The following GABRA2 variants were observed in gnomAD, a reference collection of about 807,000 sequenced individuals.
The protein encoded by GABRA2 is gamma-aminobutyric acid type A receptor subunit alpha2.
A neutral mutation model predicts 48.7 loss-of-function variants in GABRA2; 16 were observed. The ratio of observed to expected loss-of-function variants is 0.33; its 90% CI spans 0.22 to 0.50. The LOEUF is 0.50. GABRA2 is among the 20% of genes least tolerant of loss of function. GABRA2 has a pLI of 0.98. For missense variants in GABRA2, 275 were observed against 535.6 expected (o/e 0.51, Z 4.80); for synonymous variants, 185 against 184.5 (o/e 1.00, Z -0.02).
At chr4:46,388,294 C>T (rs1345771238) in intron 2 of GABRA2, among the ~76,000 whole-genome samples, 1 of 151,996 alleles carries the variant, frequency 6.6e-6, no homozygotes, top group Non-Finnish European at 1.5e-5. Context: ...TCTGTCAGCT[C>T]GAAGGAAAAC....
intron 4 of GABRA2, among the ~76,000 whole-genome samples, chr4:46,323,618 T>A (rs886506134): frequency 6.6e-6 from 1 of 151,898 alleles, no homozygotes; most frequent in Non-Finnish European, 1.5e-5. Context: ...GAGTGTATAC[T>A]TAGGAAATCT....
intron 8 of GABRA2, among the ~76,000 whole-genome samples, chr4:46,291,615 T>C (rs1227160214): frequency 6.6e-6 from 1 of 152,044 alleles, no homozygotes; most frequent in East Asian, 1.9e-4. Context: ...CCAGCCTATA[T>C]ATTTCGCCCA....
chr4:46,311,989 C>T (rs1359553720), intron 5 of GABRA2, among the ~76,000 whole-genome samples: 1 of 152,110 alleles, frequency 6.6e-6, no homozygotes, highest in Non-Finnish European at 1.5e-5. Context: ...GTATCAGCTA[C>T]TTGGGAGGCT....
At chr4:46,372,331 G>T (rs1015135983) in intron 3 of GABRA2, among the ~76,000 whole-genome samples, 1 of 152,140 alleles carries the variant, frequency 6.6e-6, no homozygotes, top group African/African-American at 2.4e-5. Flanking sequence ...AGCTGCAAGT[G>T]CCCAGAAGGC....
chr4:46,291,304 A>AT (rs1303832164), intron 8 of GABRA2, among the ~76,000 whole-genome samples: 6 of 152,004 alleles, frequency 3.9e-5, no homozygotes, highest in African/African-American at 1.2e-4. Flanking sequence ...TTTAGTCAGG[A>AT]TTGTTAATTT....
At chr4:46,377,378 T>C (rs1482855906) in intron 3 of GABRA2, among the ~76,000 whole-genome samples, 2 of 147,450 alleles carry the variant, frequency 1.4e-5, no homozygotes, top group Non-Finnish European at 3.0e-5. Flanking sequence ...GGAGCACCTC[T>C]GCCCTGCCGC....
At chr4:46,258,919 T>G (rs753276715) in intron 9 of GABRA2, among the ~76,000 whole-genome samples, 1 of 151,742 alleles carries the variant, frequency 6.6e-6, no homozygotes, top group Non-Finnish European at 1.5e-5. Context: ...AAGTTGAAAG[T>G]GATAAGATAA....
chr4:46,367,406 G>GTC (rs974241265), intron 3 of GABRA2: 1 of 152,022 alleles, frequency 6.6e-6, no homozygotes, highest in African/African-American at 2.4e-5. Context: ...ACCACACATG[G>GTC]TCTCTTCCTC....
At chr4:46,378,686 G>C (rs796309504) in intron 3 of GABRA2, among the ~76,000 whole-genome samples, 2 of 151,950 alleles carry the variant, frequency 1.3e-5, no homozygotes, top group Non-Finnish European at 2.9e-5. Context: ...AATTAGCTGG[G>C]TGTGGTGGCA....
intron 3 of GABRA2, among the ~76,000 whole-genome samples, chr4:46,378,132 C>G (rs1315027361): frequency 6.6e-6 from 1 of 152,064 alleles, no homozygotes; most frequent in Non-Finnish European, 1.5e-5. Flanking sequence ...GCCCCTCTGC[C>G]CGGCCACCAC....
chr4:46,352,478 T>A lies in GABRA2; in HGVS notation c.188-19796A>T, dbSNP rs1414784633. On this transcript the variant is annotated intron_variant, in intron 3 of 9. Coordinates refer to ENST00000381620, the MANE Select transcript of GABRA2 (RefSeq NM_000807.4). ...CTGCTTCTTCTCTCAGTGTGAACGT[T>A]TTTATGTATCCCATCTGTAAATGTT... Among the ~76,000 whole-genome samples, 5 of 152,174 alleles carry A rather than the reference T, an allele frequency of 3.3e-5. No homozygotes were observed. In the South Asian group the frequency reaches 1.0e-3, roughly 32 times the overall value.
Position 46,248,014 on chromosome 4 carries a change from T to C in GABRA2, c.*2294A>G, listed in dbSNP as rs1714034511. 6.6e-6 allele frequency among the ~76,000 whole-genome samples: 1 copy of C among 151,324 alleles called. No homozygotes were observed. Among genetic ancestry groups the C allele is most frequent in the Non-Finnish European group, 1.5e-5 (1 of 67,518 alleles). ...AAATAAGAATAACAGTGATAAGTTTTCTGGTCAATCTGCCATAAATGCTAA... is the reference window on the plus strand; with the variant it reads ...AAATAAGAATAACAGTGATAAGTTTCCTGGTCAATCTGCCATAAATGCTAA... On this transcript the variant is annotated 3_prime_UTR_variant, in exon 10 of 10. Transcript: ENST00000381620.
rs538029097 is a variant in GABRA2 at position 46,249,323 on chromosome 4, A to T, written c.*985T>A. ...CTTCTGAGTCTTGAAAAGAAGCCTT[A>T]AGGCAGAATTTGCAGTAAACAGGAA... On this transcript the variant is annotated 3_prime_UTR_variant, in exon 10 of 10. Coordinates refer to ENST00000381620, the MANE Select transcript of GABRA2 (RefSeq NM_000807.4). The T allele has an allele frequency of 6.6e-6, 1 of 151,588 alleles. No homozygotes were observed. Among genetic ancestry groups the T allele is most frequent in the African/African-American group, 2.4e-5 (1 of 41,476 alleles). The allele number at this position is 151,588 out of a possible 1,614,324, so 9.4% of individuals were successfully genotyped here.
intron 5 of GABRA2, among the ~76,000 whole-genome samples, chr4:46,311,396 C>G (rs2109683449): frequency 6.6e-6 from 1 of 152,258 alleles, no homozygotes; most frequent in Admixed American, 6.5e-5. Context: ...CATCAAATAA[C>G]TGGAATACGT....
chr4:46,356,750 A>G (rs1348373273), intron 3 of GABRA2, among the ~76,000 whole-genome samples: 1 of 152,134 alleles, frequency 6.6e-6, no homozygotes, highest in African/African-American at 2.4e-5. Flanking sequence ...TGCTGGAATA[A>G]CACTTATTCC....
At chr4:46,330,587 T>TAG (rs1425282470) in intron 4 of GABRA2, among the ~76,000 whole-genome samples, 2,988 of 123,396 alleles carry the variant, frequency 0.024, 39 homozygotes, top group Middle Eastern at 0.068. Context: ...TATATATATA[T>TAG]ATATAGAGAG....
chr4:46,366,800 G>T (rs905267975), intron 3 of GABRA2: 1 of 152,058 alleles, frequency 6.6e-6, no homozygotes. Context: ...TAAACGGTTG[G>T]TATAAAACTA....
At chr4:46,350,204 G>A (rs1404794269) in intron 3 of GABRA2, among the ~76,000 whole-genome samples, 2 of 151,862 alleles carry the variant, frequency 1.3e-5, no homozygotes, top group South Asian at 4.1e-4. Flanking sequence ...TAAAATGCTA[G>A]TCACAAACAC....
intron 3 of GABRA2, among the ~76,000 whole-genome samples, chr4:46,363,122 C>T (rs770992612): frequency 6.6e-6 from 1 of 151,992 alleles, no homozygotes; most frequent in African/African-American, 2.4e-5. Flanking sequence ...AAGACATACA[C>T]CAAATCACTT....
Sources: allele counts gnomAD v4.1 joint callset (sites outside exome capture counted in the v4.1 genomes callset), GRCh38; gene constraint gnomAD v4.1.1; transcripts MANE v1.5; gene names NCBI Gene and HGNC (gene_info 2026-07-23, HGNC 2026-07-21).